The following DLG2 variants were observed in gnomAD, a reference collection of about 807,000 sequenced individuals.
The protein encoded by DLG2 is disks large homolog 2.
Under a neutral mutation model 132.5 loss-of-function variants are expected in DLG2, and 45 were observed. That is an observed-to-expected ratio of 0.34 (90% confidence interval 0.27 to 0.44). The LOEUF (loss-of-function observed/expected upper bound fraction) is 0.44, where lower values mean the gene tolerates loss of function less well. Among genes scored for constraint, DLG2 ranks in the 20% least tolerant of loss-of-function variants. The pLI, the probability that DLG2 is intolerant of heterozygous loss-of-function variation, is 1.00. For missense variants in DLG2, 1,045 were observed against 1,196.9 expected (o/e 0.87, Z 1.87); for synonymous variants, 424 against 419.6 (o/e 1.01, Z -0.13).
intron 3 of DLG2, among the ~76,000 whole-genome samples, chr11:85,407,228 T>C (rs2152974055): frequency 6.6e-6 from 1 of 152,046 alleles, no homozygotes; most frequent in East Asian, 1.9e-4. Context: ...GGAAAAATTT[T>C]GCAAAATTTT....
chr11:83,781,799 T>C (rs1416443138), intron 18 of DLG2, among the ~76,000 whole-genome samples: 1 of 152,208 alleles, frequency 6.6e-6, no homozygotes, highest in Non-Finnish European at 1.5e-5. Context: ...CTGTGGCTTA[T>C]TATTTCAAAC....
intron 16 of DLG2, among the ~76,000 whole-genome samples, chr11:83,849,371 C>T (rs10898161): frequency 0.22 from 32,457 of 150,094 alleles, 5,048 homozygotes; most frequent in African/African-American, 0.44. Flanking sequence ...CTCTTAATAG[C>T]CATTCAAATG....
intron 6 of DLG2, among the ~76,000 whole-genome samples, chr11:84,716,597 A>AT (rs1246716305): frequency 6.6e-6 from 1 of 152,028 alleles, no homozygotes; most frequent in East Asian, 1.9e-4. Context: ...TGATAATGAC[A>AT]TAAAAACTAC....
At position 85,156,731 on chromosome 11, in the gene DLG2, G is replaced by GCA. The variant is rs1429151033; in HGVS notation, c.187-2082_187-2081dup. The stretch of plus-strand genomic sequence containing the variant: ...ATCCATCATCATACTGAACACGGCG[G>GCA]CACATCCACCATCATAGACTAAGCG... On this transcript the variant is annotated intron_variant, in intron 4 of 27. Coordinates refer to ENST00000376104, the MANE Select transcript of DLG2 (RefSeq NM_001142699.3). Among the ~76,000 whole-genome samples, 3 of 152,284 alleles carry GCA rather than the reference G, an allele frequency of 2.0e-5. No individual in the cohort carries two copies. In the East Asian group the frequency reaches 5.8e-4, roughly 29 times the overall value.
chr11:84,949,591 T>C (rs1014042540), intron 6 of DLG2, among the ~76,000 whole-genome samples: 12 of 152,172 alleles, frequency 7.9e-5, no homozygotes, highest in African/African-American at 2.9e-4. Flanking sequence ...GGATATCCCA[T>C]GCTGAGAAAA....
At chr11:83,622,803 T>C (rs1484632086) in intron 19 of DLG2, among the ~76,000 whole-genome samples, 1 of 152,194 alleles carries the variant, frequency 6.6e-6, no homozygotes, top group Non-Finnish European at 1.5e-5. Context: ...TTTGAATTTA[T>C]TGAGAATCAC....
chr11:85,082,117 CA>C (rs1170976662), intron 6 of DLG2, among the ~76,000 whole-genome samples: 1 of 151,596 alleles, frequency 6.6e-6, no homozygotes, highest in Non-Finnish European at 1.5e-5. Context: ...ATATACATGC[CA>C]AAAAAAATCT....
chr11:85,388,528 G>A (rs150142133), intron 3 of DLG2, among the ~76,000 whole-genome samples: 68 of 152,204 alleles, frequency 4.5e-4, no homozygotes, highest in African/African-American at 1.5e-3. Flanking sequence ...CCTTCTGGCT[G>A]GAGGTCAAGC....
intron 7 of DLG2, among the ~76,000 whole-genome samples, chr11:84,515,368 A>T (rs1174243264): frequency 6.6e-6 from 1 of 151,784 alleles, no homozygotes; most frequent in Non-Finnish European, 1.5e-5. Flanking sequence ...GTAAGAACAC[A>T]CATAGACTAA....
At chr11:85,507,227 T>A (rs1476170248) in intron 3 of DLG2, among the ~76,000 whole-genome samples, 2 of 152,196 alleles carry the variant, frequency 1.3e-5, no homozygotes, top group African/African-American at 4.8e-5. Flanking sequence ...GTTAATAACG[T>A]TATGTGTGAA....
chr11:84,866,977 C>A (rs997003976), intron 6 of DLG2, among the ~76,000 whole-genome samples: 1 of 152,138 alleles, frequency 6.6e-6, no homozygotes, highest in East Asian at 1.9e-4. Flanking sequence ...ATCCCTTGCA[C>A]ACATTCATTA....
chr11:85,620,507 T>G (rs572908726), intron 2 of DLG2, among the ~76,000 whole-genome samples: 23 of 152,348 alleles, frequency 1.5e-4, no homozygotes, highest in African/African-American at 5.1e-4. Context: ...GCAGCCCTCT[T>G]GCACCAAATA....
In DLG2 at chr11:84,439,405, C is replaced by G. The variant is rs145737067; in HGVS notation, c.519+95165G>C. Among the ~76,000 whole-genome samples, 408 of 152,266 alleles carry G rather than the reference C, an allele frequency of 2.7e-3. 4 individuals are homozygous for G. Among genetic ancestry groups the G allele is most frequent in the African/African-American group, 9.6e-3 (400 of 41,560 alleles). On this transcript the variant is annotated intron_variant, in intron 7 of 27. Coordinates refer to ENST00000376104, the MANE Select transcript of DLG2 (RefSeq NM_001142699.3). ...ATGATTCAGTGTCCCAAAAAGTCAA[C>G]AGTGGTACCCCTGGGGTAGCCCAGC...
At chr11:83,525,594 T>C (rs964118020) in intron 21 of DLG2, among the ~76,000 whole-genome samples, 3 of 152,144 alleles carry the variant, frequency 2.0e-5, no homozygotes, top group Non-Finnish European at 4.4e-5. Flanking sequence ...AACAAAGACA[T>C]CAAAGAGTAG....
At chr11:84,105,714 T>C (rs1224127956) in intron 9 of DLG2, among the ~76,000 whole-genome samples, 1 of 152,078 alleles carries the variant, frequency 6.6e-6, no homozygotes, top group Non-Finnish European at 1.5e-5. Flanking sequence ...AAAAAAAGAC[T>C]CAAATAATGT....
At chr11:84,191,119 T>C (rs1308709761) in intron 8 of DLG2, among the ~76,000 whole-genome samples, 1 of 152,228 alleles carries the variant, frequency 6.6e-6, no homozygotes, top group Non-Finnish European at 1.5e-5. Flanking sequence ...CTGACTCTAC[T>C]GCCTACCAAA....
intron 7 of DLG2, among the ~76,000 whole-genome samples, chr11:84,334,353 T>C (rs1270992559): frequency 2.0e-5 from 3 of 152,196 alleles, no homozygotes; most frequent in Non-Finnish European, 2.9e-5. Flanking sequence ...TAGGGGACAC[T>C]CCTGTGCATT....
chr11:83,459,589 T>G lies in DLG2; in HGVS notation c.*229A>C. ...GAGGTTCATCCCTACACCTGGCACT[T>G]TGAGCAAACCAAAGCCTTCCTTCAT... is the stretch of plus-strand genomic sequence containing the variant. On this transcript the variant is annotated 3_prime_UTR_variant, in exon 28 of 28. Coordinates refer to ENST00000376104, the MANE Select transcript of DLG2 (RefSeq NM_001142699.3). 1 of 391,202 alleles carries G rather than the reference T, an allele frequency of 2.6e-6. No homozygotes were observed. The highest frequency in any genetic ancestry group is 4.2e-5 in the South Asian group (1 of 23,610). 24.2% of individuals were successfully genotyped at this position (391,202 alleles called of 1,614,324 possible).
chr11:85,345,287 T>C (rs1395117721), intron 3 of DLG2, among the ~76,000 whole-genome samples: 1 of 152,122 alleles, frequency 6.6e-6, no homozygotes, highest in Non-Finnish European at 1.5e-5. Flanking sequence ...CATGTCTTGG[T>C]GCTCCTTGGG....
Sources: allele counts gnomAD v4.1 joint callset (sites outside exome capture counted in the v4.1 genomes callset), GRCh38; gene constraint gnomAD v4.1.1; transcripts MANE v1.5; gene names NCBI Gene and HGNC (gene_info 2026-07-23, HGNC 2026-07-21).